KIF26B: variants seen among roughly 807,000 people sequenced by gnomAD.
KIF26B encodes the protein kinesin-like protein KIF26B.
Under a neutral mutation model 151.2 loss-of-function variants are expected in KIF26B, and 63 were observed. That is an observed-to-expected ratio of 0.42 (90% CI 0.34 to 0.51). The LOEUF is 0.51. Among genes scored for constraint, KIF26B ranks in the 20% least tolerant of loss-of-function variants. KIF26B has a pLI of 0.07. For synonymous variants in KIF26B, 1,357 were observed against 1,262.1 expected, an observed-to-expected ratio of 1.08 and a Z score of -1.59; for missense variants, 2,813 against 2,913.6, an observed-to-expected ratio of 0.97 and a Z score of 0.79.
Position 245,415,213 on chromosome 1 carries a change from C to T in KIF26B, c.1000-4366C>T, listed in dbSNP as rs140238308. 2.7e-3 allele frequency among the ~76,000 whole-genome samples: 416 copies of T among 152,248 alleles called. 1 individual carries two copies. The highest frequency in any genetic ancestry group is 9.3e-3 in the African/African-American group (387 of 41,536). ...TCATAGAATATGGATCACTGCCATT[C>T]TTTGCTTGACATAAAAACAACTCAG... On this transcript the variant is annotated intron_variant, in intron 3 of 14. Coordinates refer to ENST00000407071, the MANE Select transcript of KIF26B (RefSeq NM_018012.4).
chr1:245,643,348 T>C (rs976862715), intron 9 of KIF26B, among the ~76,000 whole-genome samples: 2 of 152,210 alleles, frequency 1.3e-5, no homozygotes, highest in African/African-American at 2.4e-5. Context: ...AATTTCCATC[T>C]TCTGTGGGTT....
rs917666316 is a variant in KIF26B at position 245,645,968 on chromosome 1, G to A, written c.2099-153G>A. ...GACCAATGCTATTTGCAACCCCAGCGTGATTTTTCTGGGGTTTCCTAGTAG... is the reference window on the plus strand; with the variant it reads ...GACCAATGCTATTTGCAACCCCAGCATGATTTTTCTGGGGTTTCCTAGTAG... On this transcript the variant is annotated intron_variant, in intron 9 of 14. Transcript: ENST00000407071. 39 of 715,184 alleles carry A rather than the reference G, an allele frequency of 5.5e-5. No individual in the cohort carries two copies. The Admixed American group carries it at 8.6e-4, about 16-fold the overall frequency. 44.3% of individuals were successfully genotyped at this position (715,184 alleles called of 1,614,324 possible).
At chr1:245,233,887 AAAT>A (rs1670049147) in intron 2 of KIF26B, among the ~76,000 whole-genome samples, 2 of 152,076 alleles carry the variant, frequency 1.3e-5, no homozygotes, top group Non-Finnish European at 2.9e-5. Flanking sequence ...TGGGACTTAG[AAAT>A]AATGTTTCGG....
At chr1:245,258,397 G>T (rs577381076) in intron 2 of KIF26B, among the ~76,000 whole-genome samples, 1 of 152,210 alleles carries the variant, frequency 6.6e-6, no homozygotes, top group African/African-American at 2.4e-5. Flanking sequence ...GGTGCCCTGG[G>T]GACCCAAAGC....
rs111308523 is a variant in KIF26B at position 245,540,465 on chromosome 1, G to T, written c.1167-302G>T. ...AATGGGTGCCCTTATCCCCAAAGAT[G>T]CCCAGCTTTGTTCCTGCTTAAGCTG... On this transcript the variant is annotated intron_variant, in intron 4 of 14. Coordinates refer to ENST00000407071, the MANE Select transcript of KIF26B (RefSeq NM_018012.4). The surrounding 1 kb of genome is among the most constrained non-coding windows in gnomAD (Gnocchi z 4.6). The T allele has an allele frequency of 2.1e-3, 1,226 of 594,536 alleles. 10 individuals carry two copies. Among genetic ancestry groups the T allele is most frequent in the African/African-American group, 0.02 (1,083 of 55,086 alleles). 36.8% of individuals were successfully genotyped at this position (594,536 alleles called of 1,614,324 possible).
chr1:245,244,754 A>ACT lies in KIF26B; in HGVS notation c.465+88073_465+88074dup, dbSNP rs1357007550. Among the ~76,000 whole-genome samples, 24 of 102,632 alleles carry ACT rather than the reference A, an allele frequency of 2.3e-4. No homozygotes were observed. The highest frequency in any genetic ancestry group is 4.5e-3 in the Middle Eastern group (1 of 222). 67.3% of individuals were successfully genotyped at this position (102,632 alleles called of 152,430 possible). ...TGAGAAGGAACACACAGACACGCAC[A>ACT]CTCACACACACACACACACACACAC... On this transcript the variant is annotated intron_variant, in intron 2 of 14. Coordinates refer to ENST00000407071, the MANE Select transcript of KIF26B (RefSeq NM_018012.4). This position sits in a 1 kb window ranked among gnomAD's most constrained non-coding sequence, Gnocchi z 4.2.
intron 4 of KIF26B, among the ~76,000 whole-genome samples, chr1:245,485,068 C>G (rs554998221): frequency 7.9e-5 from 12 of 152,254 alleles, no homozygotes; most frequent in Middle Eastern, 3.4e-3. Context: ...CTGACACATG[C>G]TACAACATGG....
intron 2 of KIF26B, among the ~76,000 whole-genome samples, chr1:245,171,785 T>C (rs1209784388): frequency 1.7e-4 from 26 of 152,132 alleles, no homozygotes; most frequent in Non-Finnish European, 1.5e-5. Flanking sequence ...CCCATCAGGA[T>C]TTGTATATTT....
At chr1:245,390,943 A>AAAACAAAAAAAAACAAAAC (rs1553270129) in intron 3 of KIF26B, among the ~76,000 whole-genome samples, 3 of 118,412 alleles carry the variant, frequency 2.5e-5, no homozygotes, top group African/African-American at 1.2e-4. Context: ...AAAAAAAAAA[A>AAAACAAAAAAAAACAAAAC]AAAAAAAAAC....
At chr1:245,219,130 T>TTTA in intron 2 of KIF26B, among the ~76,000 whole-genome samples, 1 of 15,120 alleles carries the variant, frequency 6.6e-5, no homozygotes, top group East Asian at 5.6e-4. Flanking sequence ...CCTACCTCTT[T>TTTA]TTTTTTTTTT....
chr1:245,175,074 G>C lies in KIF26B; in HGVS notation c.465+18391G>C, dbSNP rs115734458. Reference sequence around the variant, plus strand: ...GGGGGCCCATTGCTCATTCCTTGCTGTCTCTCCCGGTTGAGACTTCCCACC... The same window carrying C: ...GGGGGCCCATTGCTCATTCCTTGCTCTCTCTCCCGGTTGAGACTTCCCACC... On this transcript the variant is annotated intron_variant, in intron 2 of 14. Transcript: ENST00000407071. Among the ~76,000 whole-genome samples the C allele has an allele frequency of 5.0e-3, 768 of 152,238 alleles. 3 individuals carry two copies. Among genetic ancestry groups the C allele is most frequent in the Non-Finnish European group, 8.4e-3 (569 of 68,012 alleles).
chr1:245,425,042 C>T (rs1658586661), intron 4 of KIF26B, among the ~76,000 whole-genome samples: 1 of 148,676 alleles, frequency 6.7e-6, no homozygotes, highest in African/African-American at 2.5e-5. Flanking sequence ...TGGCTTTGAA[C>T]ATCAAGAACA....
rs961933497 is a variant in KIF26B, at chr1:245,480,219, C to T, written c.1166+60474C>T. ...ACTTGAGCCTGGGAAGTCAGGGCTG[C>T]AGTGAGCCATGACCGTGCCACTGCA... is the stretch of plus-strand genomic sequence containing the variant. On this transcript the variant is annotated intron_variant, in intron 4 of 14. Coordinates refer to ENST00000407071, the MANE Select transcript of KIF26B (RefSeq NM_018012.4). 4.7e-5 allele frequency among the ~76,000 whole-genome samples: 7 copies of T among 147,932 alleles called. No individual in the cohort carries two copies. In the Admixed American group the frequency reaches 4.8e-4, roughly 10 times the overall value.
At chr1:245,612,103 T>TGAGA (rs1491443460) in intron 9 of KIF26B, 127 bp downstream of exon 9, 34 of 397,618 alleles carry the variant, frequency 8.6e-5, no homozygotes, top group African/African-American at 4.0e-4. Flanking sequence ...TGTGTGTGTG[T>TGAGA]GTGAGAGAGA....
chr1:245,508,970 C>T (rs939014783), intron 4 of KIF26B, among the ~76,000 whole-genome samples: 17 of 152,174 alleles, frequency 1.1e-4, no homozygotes, highest in Admixed American at 1.1e-3. Context: ...TAAAGTGTTT[C>T]TTTACTGTGA....
intron 10 of KIF26B, among the ~76,000 whole-genome samples, chr1:245,664,107 G>A (rs747322603): frequency 2.6e-5 from 4 of 152,036 alleles, no homozygotes; most frequent in East Asian, 1.9e-4. Context: ...GGTGGCTCAC[G>A]CCTGTAATCC....
chr1:245,184,139 G>C (rs530567353), intron 2 of KIF26B, among the ~76,000 whole-genome samples: 3 of 142,626 alleles, frequency 2.1e-5, no homozygotes, highest in Non-Finnish European at 3.0e-5. Context: ...CTGGGAAAGT[G>C]GGGGGAAGTG....
chr1:245,422,398 AC>A (rs978053870), intron 4 of KIF26B, among the ~76,000 whole-genome samples: 2 of 151,882 alleles, frequency 1.3e-5, no homozygotes, highest in African/African-American at 4.8e-5. Context: ...CATATTAATA[AC>A]CCCCCTGTCA....
At chr1:245,414,782 G>A (rs921412594) in intron 3 of KIF26B, among the ~76,000 whole-genome samples, 2 of 152,200 alleles carry the variant, frequency 1.3e-5, no homozygotes, top group African/African-American at 4.8e-5. Flanking sequence ...ATTTGTCTCT[G>A]GCTGACTACA....
Sources: allele counts gnomAD v4.1 joint callset (sites outside exome capture counted in the v4.1 genomes callset), GRCh38; gene constraint gnomAD v4.1.1; non-coding constraint Gnocchi (gnomAD v3.1); transcripts MANE v1.5; gene names NCBI Gene and HGNC (gene_info 2026-07-23, HGNC 2026-07-21).